GOSR1: variants seen among roughly 807,000 people sequenced by gnomAD.
GOSR1 encodes 28 kDa Golgi SNARE protein.
GOSR1 carries 21 observed loss-of-function variants against 35.5 expected under a neutral mutation model. The observed-to-expected ratio is 0.59, with a 90% CI of 0.42 to 0.85. The LOEUF (loss-of-function observed/expected upper bound fraction) is 0.85. Among genes scored for constraint, GOSR1 ranks in the 40% least tolerant of loss-of-function variants. The pLI, the probability that GOSR1 is intolerant of heterozygous loss-of-function variation, is 0.00. For synonymous variants in GOSR1, 94 were observed against 106.6 expected, an observed-to-expected ratio of 0.88 and a Z score of 0.73; for missense variants, 285 against 309.6, an observed-to-expected ratio of 0.92 and a Z score of 0.60.
At chr17:30,504,325 C>A (rs1967324616) in intron 6 of GOSR1, among the ~76,000 whole-genome samples, 1 of 152,124 alleles carries the variant, frequency 6.6e-6, no homozygotes, top group African/African-American at 2.4e-5. Flanking sequence ...CCACACCTGG[C>A]CAGTTGGTTT....
chr17:30,482,548 G>T (rs370888280), intron 2 of GOSR1, among the ~76,000 whole-genome samples: 4 of 152,144 alleles, frequency 2.6e-5, no homozygotes, highest in East Asian at 3.8e-4. Flanking sequence ...GAAGTGAGTA[G>T]GATATTTGTC....
At chr17:30,522,173 T>G in intron 8 of GOSR1, 81 bp from the exon 9 acceptor site, 1 of 1,127,106 alleles carries the variant, frequency 8.9e-7, no homozygotes, top group Non-Finnish European at 1.3e-6. Context: ...TAGACACCAC[T>G]GATCTCTATT....
At chr17:30,497,128 C>T (rs1029172415) in intron 6 of GOSR1, among the ~76,000 whole-genome samples, 2 of 152,088 alleles carry the variant, frequency 1.3e-5, no homozygotes, top group Admixed American at 1.3e-4. Context: ...TTGGCTCATG[C>T]CTGTAAAGCC....
At chr17:30,487,109 A>T (rs543028149) in intron 4 of GOSR1, among the ~76,000 whole-genome samples, 24 of 152,322 alleles carry the variant, frequency 1.6e-4, no homozygotes, top group South Asian at 4.1e-4. Context: ...CTAGAGAAAA[A>T]AAATAAATAA....
intron 4 of GOSR1, among the ~76,000 whole-genome samples, chr17:30,489,217 C>G (rs1468357168): frequency 6.6e-6 from 1 of 152,072 alleles, no homozygotes; most frequent in Non-Finnish European, 1.5e-5. Flanking sequence ...AACTCCATCT[C>G]TATTAAAAAT....
At chr17:30,492,858 A>G (rs771202139) in intron 6 of GOSR1, 105 bp downstream of exon 6, 8 of 684,414 alleles carry the variant, frequency 1.2e-5, no homozygotes, top group Middle Eastern at 5.4e-4. Flanking sequence ...TGCCTTGTCC[A>G]TGCTAATTCA....
Position 30,527,531 on chromosome 17 carries a change from A to G in GOSR1, c.*5153A>G, listed in dbSNP as rs929611623. The G allele has an allele frequency of 6.6e-5, 10 of 152,302 alleles. No individual in the cohort carries two copies. The highest frequency in any genetic ancestry group is 2.4e-4 in the African/African-American group (10 of 41,552). The allele number at this position is 152,302 out of a possible 1,614,324, so 9.4% of individuals were successfully genotyped here. On this transcript the variant is annotated 3_prime_UTR_variant, in exon 9 of 9. Coordinates refer to ENST00000451249, the MANE Select transcript of GOSR1 (RefSeq NM_001007025.2). ...GTGCCCTGATTATATTGTCAGGGTT[A>G]TGTGAGGAAATGCTCATAAGCATCT...
intron 7 of GOSR1, among the ~76,000 whole-genome samples, chr17:30,513,104 A>G (rs923370055): frequency 2.0e-5 from 3 of 152,194 alleles, no homozygotes; most frequent in Non-Finnish European, 4.4e-5. Flanking sequence ...GTCAAATAGT[A>G]TTTTTGCATA....
intron 5 of GOSR1, 133 bp downstream of exon 5, chr17:30,490,350 C>CT: frequency 1.8e-6 from 1 of 555,226 alleles, no homozygotes; most frequent in Non-Finnish European, 3.3e-6. Context: ...ATTTCACTGT[C>CT]TTTTTAACAT....
Position 30,519,971 on chromosome 17 carries a change from C to G in GOSR1, c.572C>G (p.Ser191Ter). 2 of 1,609,892 alleles carry G rather than the reference C, an allele frequency of 1.2e-6. No homozygotes were observed. The highest frequency in any genetic ancestry group is 1.7e-6 in the Non-Finnish European group (2 of 1,176,634). ...IAMATKENMT[S>*]QRGMLKSIHS... is the part of the protein sequence containing the mutation. ...ATGGCAACAAAAGAAAATATGACTT[C>G]ACAGAGAGGAATGTTGAAGTCAATT... The change falls in exon 8 of 9, where the codon TCA becomes TGA. Residue 191 changes from serine to a stop codon, truncating the protein, a stop_gained. Transcript: ENST00000451249. LOFTEE classifies it high-confidence loss of function.
At chr17:30,481,325 A>G (rs1914335040) in intron 2 of GOSR1, 68 bp downstream of exon 2, 3 of 1,156,248 alleles carry the variant, frequency 2.6e-6, no homozygotes, top group Admixed American at 4.2e-5. Flanking sequence ...AAAATAAACT[A>G]AAATATATAA....
At chr17:30,484,545 GTTTT>G in intron 3 of GOSR1, 114 bp from the exon 4 acceptor site, 1 of 615,318 alleles carries the variant, frequency 1.6e-6, no homozygotes. Context: ...TTTTTGTTTT[GTTTT>G]GTTTTGTTTT....
rs147205774 is a variant in GOSR1 at position 30,481,156 on chromosome 17, G to A, written c.45G>A (p.Gln15=). 12 of 1,597,848 alleles carry A rather than the reference G, an allele frequency of 7.5e-6. No individual in the cohort carries two copies. Among genetic ancestry groups the A allele is most frequent in the Non-Finnish European group, 8.6e-6 (10 of 1,165,332 alleles). ...TSSYWEDLRK[Q]ARQLENELDL... ...ATTTTGTTAAAGATCTCAGGAAACA[G>A]GCTCGACAGCTGGAAAATGAACTTG... The change falls in exon 2 of 9, where the codon CAG becomes CAA. Residue 15 remains glutamine, a synonymous_variant. Coordinates refer to ENST00000451249, the MANE Select transcript of GOSR1 (RefSeq NM_001007025.2).
intron 5 of GOSR1, among the ~76,000 whole-genome samples, chr17:30,491,739 T>C (rs565024778): frequency 1.3e-5 from 2 of 152,266 alleles, no homozygotes; most frequent in South Asian, 4.1e-4. Context: ...TATGTAGTAG[T>C]TTACACAGTA....
At chr17:30,486,922 GTTGT>G (rs1914719656) in intron 4 of GOSR1, among the ~76,000 whole-genome samples, 1 of 152,094 alleles carries the variant, frequency 6.6e-6, no homozygotes, top group African/African-American at 2.4e-5. Flanking sequence ...GGGTTGTATC[GTTGT>G]TTGTTTAATT....
chr17:30,522,397 T>C lies in GOSR1; in HGVS notation c.*19T>C, dbSNP rs1968071579. On this transcript the variant is annotated 3_prime_UTR_variant, in exon 9 of 9. Coordinates refer to ENST00000451249, the MANE Select transcript of GOSR1 (RefSeq NM_001007025.2). ...CCATTGATGGGACATCTTCAGGGAC[T>C]CTTGACAGCCACCGCTTTCACACCC... is the stretch of plus-strand genomic sequence containing the variant. The C allele has an allele frequency of 6.5e-7, 1 of 1,539,034 alleles. No individual in the cohort carries two copies. The highest frequency in any genetic ancestry group is 8.8e-7 in the Non-Finnish European group (1 of 1,139,166).
At chr17:30,505,956 G>A (rs1479693176) in intron 6 of GOSR1, among the ~76,000 whole-genome samples, 1 of 152,040 alleles carries the variant, frequency 6.6e-6, no homozygotes, top group Non-Finnish European at 1.5e-5. Context: ...TCAAACACCT[G>A]GGGACTCAAG....
intron 7 of GOSR1, among the ~76,000 whole-genome samples, chr17:30,516,479 A>AAAAAAAC (rs1453424411): frequency 7.9e-6 from 1 of 127,166 alleles, no homozygotes. Context: ...CAAACAAAAA[A>AAAAAAAC]AAAGAAAAAG....
chr17:30,495,418 A>G (rs1157700287), intron 6 of GOSR1: 3 of 455,696 alleles, frequency 6.6e-6, no homozygotes, highest in African/African-American at 2.0e-5. Flanking sequence ...GAAGTTGACA[A>G]CTTTCAGAGG....
Sources: gnomAD v4.1 joint callset for allele counts (sites outside exome capture counted in the v4.1 genomes callset) on GRCh38, gnomAD v4.1.1 for gene constraint, MANE v1.5 for transcripts, NCBI Gene and HGNC (gene_info 2026-07-23, HGNC 2026-07-21) for gene names.